The following DPF3 variants were observed in gnomAD, a reference collection of about 807,000 sequenced individuals.
DPF3 encodes the protein zinc finger protein DPF3.
In DPF3, 18 loss-of-function variants were observed where a neutral mutation model predicts 56.8. The ratio of observed to expected loss-of-function variants is 0.32; its 90% CI spans 0.22 to 0.47. The LOEUF is 0.47. Among genes scored for constraint, DPF3 ranks in the 20% least tolerant of loss-of-function variants. The pLI, the probability that DPF3 is intolerant of heterozygous loss-of-function variation, is 1.00. For missense variants in DPF3, 403 were observed against 488.8 expected (o/e 0.82, Z 1.65); for synonymous variants, 188 against 180.2 (o/e 1.04, Z -0.35).
chr14:72,734,828 T>TA (rs1468193176), intron 3 of DPF3, among the ~76,000 whole-genome samples: 1 of 152,184 alleles, frequency 6.6e-6, no homozygotes, highest in Admixed American at 6.5e-5. Context: ...GTATTCTTAT[T>TA]AGTGGTTGAC....
At chr14:72,726,936 C>T (rs1052313335) in intron 4 of DPF3, among the ~76,000 whole-genome samples, 3 of 152,180 alleles carry the variant, frequency 2.0e-5, no homozygotes, top group African/African-American at 7.2e-5. Context: ...ATTGCTGGCC[C>T]CACATCCAAT....
At chr14:72,619,437 A>G in intron 10 of DPF3, 70 bp from the exon 11 acceptor site, 1 of 1,483,564 alleles carries the variant, frequency 6.7e-7, no homozygotes, top group Admixed American at 2.0e-5. Flanking sequence ...ACTGGCCCTA[A>G]CTTCTTGTAA....
chr14:72,873,060 A>G (rs1885964883), intron 1 of DPF3, among the ~76,000 whole-genome samples: 1 of 152,350 alleles, frequency 6.6e-6, no homozygotes, highest in East Asian at 1.9e-4. Flanking sequence ...ACAAAAGCCA[A>G]AATTGACAAA....
chr14:72,798,975 G>A, intron 1 of DPF3, among the ~76,000 whole-genome samples: 1 of 152,164 alleles, frequency 6.6e-6, no homozygotes, highest in East Asian at 1.9e-4. Flanking sequence ...TCATACCCAA[G>A]CATCTCAGGA....
chr14:72,779,066 C>T (rs2139959173), intron 1 of DPF3, among the ~76,000 whole-genome samples: 1 of 152,294 alleles, frequency 6.6e-6, no homozygotes. Context: ...TGCTGATTTA[C>T]CCGCAGTGTT....
At chr14:72,860,771 G>A (rs574719366) in intron 1 of DPF3, among the ~76,000 whole-genome samples, 2 of 151,326 alleles carry the variant, frequency 1.3e-5, no homozygotes, top group East Asian at 3.9e-4. Context: ...TCACCATGTT[G>A]GCCAGGCTGG....
chr14:72,789,035 C>G (rs772542037), intron 1 of DPF3, among the ~76,000 whole-genome samples: 1 of 152,208 alleles, frequency 6.6e-6, no homozygotes, highest in Non-Finnish European at 1.5e-5. Flanking sequence ...AGGCCTCCCT[C>G]CAATAATGGT....
chr14:72,783,992 T>C (rs1892102967), intron 1 of DPF3, among the ~76,000 whole-genome samples: 1 of 152,176 alleles, frequency 6.6e-6, no homozygotes, highest in Admixed American at 6.5e-5. Context: ...GCATGGGATT[T>C]GTGGTCCTGA....
At chr14:72,887,458 A>T (rs1886592938) in intron 1 of DPF3, among the ~76,000 whole-genome samples, 1 of 152,210 alleles carries the variant, frequency 6.6e-6, no homozygotes, top group African/African-American at 2.4e-5. Flanking sequence ...GAACCCCAAG[A>T]AGGGAGCACC....
At chr14:72,892,168 T>C (rs1023649624) in intron 1 of DPF3, 1 of 1,535,132 alleles carries the variant, frequency 6.5e-7, no homozygotes, top group African/African-American at 1.4e-5. Flanking sequence ...GTGAAATAGG[T>C]TCTCTAACTT....
rs372599949 is a variant in DPF3, at chr14:72,752,128, G to A, written c.301+1136C>T. Among the ~76,000 whole-genome samples, 6 of 152,340 alleles carry A rather than the reference G, an allele frequency of 3.9e-5. 1 individual carries two copies. In the South Asian group the frequency reaches 1.2e-3, roughly 32 times the overall value. ...GGGACCAGTGTTGCAAGGAAGGAGT[G>A]AGGTACCTTTGCCAGGCAGCCAGGC... is the stretch of plus-strand genomic sequence containing the variant. On this transcript the variant is annotated intron_variant, in intron 3 of 10. Coordinates refer to ENST00000556509, the MANE Select transcript of DPF3 (RefSeq NM_001280542.3).
At chr14:72,694,901 T>C (rs947320157) in intron 6 of DPF3, among the ~76,000 whole-genome samples, 14 of 152,350 alleles carry the variant, frequency 9.2e-5, no homozygotes, top group East Asian at 3.9e-4. Flanking sequence ...CTTTAGTTGG[T>C]TGATAAGGTA....
At chr14:72,820,696 T>G (rs981631250) in intron 1 of DPF3, among the ~76,000 whole-genome samples, 2 of 152,194 alleles carry the variant, frequency 1.3e-5, no homozygotes, top group Non-Finnish European at 2.9e-5. Context: ...ATTAGAGATT[T>G]ACAGGCAAGA....
intron 1 of DPF3, among the ~76,000 whole-genome samples, chr14:72,794,904 C>T (rs2139989821): frequency 6.6e-6 from 1 of 152,118 alleles, no homozygotes; most frequent in Admixed American, 6.5e-5. Context: ...CCTCTTCCTC[C>T]CATGTGTCAC....
chr14:72,661,623 G>T, intron 8 of DPF3: 12 of 985,354 alleles, frequency 1.2e-5, no homozygotes, highest in Non-Finnish European at 1.4e-5. Context: ...GCCCACTTCC[G>T]CCAGCTCAGC....
intron 1 of DPF3, among the ~76,000 whole-genome samples, chr14:72,804,577 T>TA (rs1432105968): frequency 6.6e-6 from 1 of 152,160 alleles, no homozygotes; most frequent in East Asian, 1.9e-4. Context: ...ATGGAATTGA[T>TA]AGAGTATTGG....
intron 8 of DPF3, chr14:72,662,310 T>A (rs1398722298): frequency 1.5e-5 from 15 of 984,886 alleles, no homozygotes; most frequent in Non-Finnish European, 1.7e-5. Flanking sequence ...AGAGTTAATA[T>A]GCAGTCTTTT....
chr14:72,652,028 C>A (rs925331222), intron 8 of DPF3, among the ~76,000 whole-genome samples: 4 of 152,202 alleles, frequency 2.6e-5, no homozygotes, highest in African/African-American at 9.6e-5. Context: ...TGATCCTGGG[C>A]AAGTTACTGA....
chr14:72,658,282 T>C (rs1886111756), intron 8 of DPF3, among the ~76,000 whole-genome samples: 1 of 152,180 alleles, frequency 6.6e-6, no homozygotes, highest in African/African-American at 2.4e-5. Context: ...CTACATCTAC[T>C]ATGTATCCAC....
Sources: allele counts gnomAD v4.1 joint callset (sites outside exome capture counted in the v4.1 genomes callset), GRCh38; gene constraint gnomAD v4.1.1; transcripts MANE v1.5; gene names NCBI Gene and HGNC (gene_info 2026-07-23, HGNC 2026-07-21).